MBD5: variants seen among roughly 807,000 people sequenced by gnomAD.
MBD5 encodes methyl-CpG binding domain protein 5.
MBD5 carries 13 observed loss-of-function variants against 117.3 expected under a neutral mutation model. That is an observed-to-expected ratio of 0.11 (90% CI 0.07 to 0.18). The LOEUF (loss-of-function observed/expected upper bound fraction) is 0.18, where lower values mean the gene tolerates loss of function less well. Among genes scored for constraint, MBD5 ranks in the 10% least tolerant of loss-of-function variants. The probability of loss-of-function intolerance (pLI) is 1.00; values close to 1 mark genes in which losing one functional copy is unlikely to be tolerated. For missense variants in MBD5, 1,879 were observed against 2,093.8 expected, an observed-to-expected ratio of 0.90 and a Z score of 2.00; for synonymous variants, 727 against 766.4, an observed-to-expected ratio of 0.95 and a Z score of 0.85.
At chr2:148,162,193 C>T (rs575507904) in intron 1 of MBD5, among the ~76,000 whole-genome samples, 4 of 152,240 alleles carry the variant, frequency 2.6e-5, no homozygotes, top group Admixed American at 6.5e-5. Context: ...TGTGCCTACA[C>T]TATTTGTCAA....
At chr2:148,311,218 G>A (rs1220910389) in intron 3 of MBD5, among the ~76,000 whole-genome samples, 1 of 152,080 alleles carries the variant, frequency 6.6e-6, no homozygotes, top group Non-Finnish European at 1.5e-5. Context: ...TTTCTGTCTA[G>A]CTGATCTGTC....
intron 3 of MBD5, among the ~76,000 whole-genome samples, chr2:148,326,059 G>T (rs1190762169): frequency 6.6e-6 from 1 of 152,160 alleles, no homozygotes; most frequent in Non-Finnish European, 1.5e-5. Context: ...TGGTTTCAAA[G>T]AACATCTTTA....
chr2:148,259,392 C>T (rs962606879), intron 3 of MBD5, among the ~76,000 whole-genome samples: 2 of 152,172 alleles, frequency 1.3e-5, no homozygotes, highest in African/African-American at 4.8e-5. Flanking sequence ...TTGCTGGGGA[C>T]CCATCTACCT....
chr2:148,138,170 T>A lies in MBD5; in HGVS notation c.-924-40530T>A, dbSNP rs150271569. Among the ~76,000 whole-genome samples, 12 of 152,322 alleles carry A rather than the reference T, an allele frequency of 7.9e-5. No homozygotes were observed. The East Asian group carries it at 2.3e-3, about 29-fold the overall frequency. ...TATCTTTACTGATGGCCTACTACTGTGTGAGAGATACTTGCAAAGGCCTCA... is the reference window on the plus strand; with the variant it reads ...TATCTTTACTGATGGCCTACTACTGAGTGAGAGATACTTGCAAAGGCCTCA... On this transcript the variant is annotated intron_variant, in intron 1 of 13. Transcript: ENST00000642680.
chr2:148,337,909 G>A (rs1259642015), intron 3 of MBD5, among the ~76,000 whole-genome samples: 1 of 152,114 alleles, frequency 6.6e-6, no homozygotes, highest in Non-Finnish European at 1.5e-5. Flanking sequence ...CCTTCAATTA[G>A]AAGGGAAATA....
intron 4 of MBD5, 86 bp from the exon 5 acceptor site, chr2:148,458,117 T>G (rs1706942369): frequency 2.5e-6 from 1 of 394,756 alleles, no homozygotes; most frequent in Admixed American, 4.4e-5. Context: ...TTGGGTACAC[T>G]TCGTAGTTTA....
intron 11 of MBD5, among the ~76,000 whole-genome samples, chr2:148,501,244 A>G (rs1439125990): frequency 1.3e-5 from 2 of 152,250 alleles, no homozygotes; most frequent in Admixed American, 1.3e-4. Flanking sequence ...AGTTATTTCT[A>G]AAGGACATTC....
At chr2:148,288,743 G>A (rs868718942) in intron 3 of MBD5, among the ~76,000 whole-genome samples, 2 of 151,742 alleles carry the variant, frequency 1.3e-5, no homozygotes, top group South Asian at 4.2e-4. Context: ...GAGTCTTGAA[G>A]TAGAAATAAT....
chr2:148,427,372 A>G (rs1705831709), intron 4 of MBD5, among the ~76,000 whole-genome samples: 1 of 152,214 alleles, frequency 6.6e-6, no homozygotes, highest in Non-Finnish European at 1.5e-5. Context: ...CTGCGGCACT[A>G]TTCACAATAG....
At position 148,462,628 on chromosome 2, in the gene MBD5, C is replaced by G. The variant is rs1472408027; in HGVS notation, c.160C>G (p.Leu54Val). 1.2e-6 allele frequency: 2 copies of G among 1,613,082 alleles called. No homozygotes were observed. The highest frequency in any genetic ancestry group is 1.7e-5 in the Admixed American group (1 of 59,986). The change falls in exon 6 of 14, where the codon CTG becomes GTG. Residue 54 changes from leucine (L) to valine (V), a missense_variant. Around this residue, in one of 4 missense-constraint regions of MBD5, gnomAD observed 71 missense variants for 129.2 expected, o/e 0.55. Coordinates refer to ENST00000642680, the MANE Select transcript of MBD5 (RefSeq NM_001378120.1). The stretch of plus-strand genomic sequence containing the variant: ...TTGCTTGGAGCAGGTTAAAACATAC[C>G]TGCTTACTGATGGAACATGCAAGTG... ...LSCLEQVKTY[L>V]LTDGTCKCGL...
chr2:148,066,200 G>A (rs1695187994), intron 1 of MBD5, among the ~76,000 whole-genome samples: 2 of 152,206 alleles, frequency 1.3e-5, no homozygotes, highest in South Asian at 2.1e-4. Flanking sequence ...CAGCTACTTG[G>A]AAGGCTGAGG....
At chr2:148,230,047 C>T (rs529353874) in intron 2 of MBD5, among the ~76,000 whole-genome samples, 1 of 152,248 alleles carries the variant, frequency 6.6e-6, no homozygotes, top group South Asian at 2.1e-4. Flanking sequence ...GTAACCACTC[C>T]TGGGCTTCAG....
intron 2 of MBD5, among the ~76,000 whole-genome samples, chr2:148,214,113 A>G (rs1487500313): frequency 6.6e-6 from 1 of 152,208 alleles, no homozygotes; most frequent in African/African-American, 2.4e-5. Context: ...TTAAAATTAT[A>G]AGTTAAACAG....
intron 1 of MBD5, among the ~76,000 whole-genome samples, chr2:148,058,225 T>C (rs1694924954): frequency 6.6e-6 from 1 of 152,068 alleles, no homozygotes; most frequent in Non-Finnish European, 1.5e-5. Context: ...TGATGAATAC[T>C]TTCCCCTGGT....
chr2:148,063,013 A>G (rs548218402), intron 1 of MBD5, among the ~76,000 whole-genome samples: 32 of 152,296 alleles, frequency 2.1e-4, no homozygotes, highest in African/African-American at 4.1e-4. Flanking sequence ...CTTGAGATCT[A>G]TGACCCAGTT....
intron 1 of MBD5, among the ~76,000 whole-genome samples, chr2:148,067,575 C>T (rs71406011): frequency 0.024 from 3,627 of 152,164 alleles, 70 homozygotes; most frequent in Non-Finnish European, 0.035. Context: ...AAAAACAATA[C>T]ATTTAGATCT....
At position 148,478,934 on chromosome 2, in the gene MBD5, G is replaced by A. The variant is rs192610471; in HGVS notation, c.2519-4176G>A. Among the ~76,000 whole-genome samples the A allele has an allele frequency of 5.1e-4, 77 of 152,006 alleles. No homozygotes were observed. The East Asian group carries it at 0.013, about 26-fold the overall frequency. Reference sequence around the variant, plus strand: ...TATTCAATTAAGCACAAAATATCTTGGCTGCAAAAACAAAACAAAACAAAA... The same window carrying A: ...TATTCAATTAAGCACAAAATATCTTAGCTGCAAAAACAAAACAAAACAAAA... On this transcript the variant is annotated intron_variant, in intron 8 of 13. Coordinates refer to ENST00000642680, the MANE Select transcript of MBD5 (RefSeq NM_001378120.1).
intron 4 of MBD5, among the ~76,000 whole-genome samples, chr2:148,398,277 A>G (rs1223670036): frequency 6.6e-6 from 1 of 152,174 alleles, no homozygotes; most frequent in Non-Finnish European, 1.5e-5. Context: ...CCAACAGTGT[A>G]AAAGTGTTCC....
intron 1 of MBD5, among the ~76,000 whole-genome samples, chr2:148,133,464 C>T (rs1325691701): frequency 1.3e-5 from 2 of 152,184 alleles, no homozygotes; most frequent in African/African-American, 2.4e-5. Flanking sequence ...TCTGCTTTCA[C>T]TTTGTTTTAT....
Sources: gnomAD v4.1 joint callset for allele counts (sites outside exome capture counted in the v4.1 genomes callset) on GRCh38, gnomAD v4.1.1 for gene constraint, gnomAD v4.1.1 regional missense constraint, MANE v1.5 for transcripts, NCBI Gene and HGNC (gene_info 2026-07-23, HGNC 2026-07-21) for gene names.